GALNT6: variants seen among roughly 807,000 people sequenced by gnomAD.
The protein encoded by GALNT6 is polypeptide N-acetylgalactosaminyltransferase 6, also known as GalNAc transferase 6.
GALNT6 carries 51 observed loss-of-function variants against 65.9 expected under a neutral mutation model. The observed-to-expected ratio is 0.77, with a 90% CI of 0.62 to 0.98. The LOEUF is 0.98. Among genes scored for constraint, GALNT6 ranks in the 50% least tolerant of loss-of-function variants. The pLI is 0.00. For missense variants in GALNT6, 708 were observed against 803.3 expected (o/e 0.88, Z 1.43); for synonymous variants, 323 against 315.1 (o/e 1.02, Z -0.26).
chr12:51,357,260 C>T, intron 10 of GALNT6, 89 bp downstream of exon 10: 1 of 819,008 alleles, frequency 1.2e-6, no homozygotes, highest in Non-Finnish European at 2.1e-6. Context: ...GTATCTCCTC[C>T]CTCCCAGTCC....
intron 2 of GALNT6, among the ~76,000 whole-genome samples, chr12:51,389,031 C>A (rs1041110339): frequency 6.6e-6 from 1 of 152,210 alleles, no homozygotes; most frequent in Admixed American, 6.5e-5. Flanking sequence ...ACCACACAGG[C>A]CTTTTACACA....
Position 51,378,164 on chromosome 12 carries a change from G to GT in GALNT6, c.492-798dup, listed in dbSNP as rs537639636. Among the ~76,000 whole-genome samples, 351 of 151,912 alleles carry GT rather than the reference G, an allele frequency of 2.3e-3. 1 individual carries two copies. The highest frequency in any genetic ancestry group is 7.9e-3 in the African/African-American group (326 of 41,428). ...ACACCCAGTGCTCTTCTCTCTGTCTGTTTTTTTTGAGACAGAGTCTTGCTC... is the reference window on the plus strand; with the variant it reads ...ACACCCAGTGCTCTTCTCTCTGTCTGTTTTTTTTTGAGACAGAGTCTTGCTC... On this transcript the variant is annotated intron_variant, in intron 3 of 11. Coordinates refer to ENST00000356317, the MANE Select transcript of GALNT6 (RefSeq NM_007210.4).
chr12:51,365,410 G>C lies in GALNT6; in HGVS notation c.814+20C>G, dbSNP rs1382989594. 5 of 1,600,204 alleles carry C rather than the reference G, an allele frequency of 3.1e-6. No homozygotes were observed. In the African/African-American group the frequency reaches 4.0e-5, roughly 13 times the overall value. Reference sequence around the variant, plus strand: ...GAGGGAGCCTCCAGGTTACACCCAGGCCGGTGCCCTGGTACTCACAGTGGG... The same window carrying C: ...GAGGGAGCCTCCAGGTTACACCCAGCCCGGTGCCCTGGTACTCACAGTGGG... On this transcript the variant is annotated intron_variant, in intron 5 of 11. Coordinates refer to ENST00000356317, the MANE Select transcript of GALNT6 (RefSeq NM_007210.4).
intron 4 of GALNT6, among the ~76,000 whole-genome samples, chr12:51,376,956 G>A (rs543063592): frequency 5.3e-5 from 8 of 152,332 alleles, no homozygotes; most frequent in East Asian, 1.9e-4. Flanking sequence ...CCTTGGCAGC[G>A]TTCAGGGAGT....
intron 6 of GALNT6, among the ~76,000 whole-genome samples, chr12:51,362,481 G>T (rs1423224614): frequency 6.6e-6 from 1 of 152,080 alleles, no homozygotes; most frequent in African/African-American, 2.4e-5. Flanking sequence ...ATGCTACCGG[G>T]GCATGTGGGC....
intron 4 of GALNT6, among the ~76,000 whole-genome samples, chr12:51,371,237 C>G (rs902412399): frequency 1.3e-5 from 2 of 151,996 alleles, no homozygotes; most frequent in Non-Finnish European, 2.9e-5. Flanking sequence ...GTGCCCACCA[C>G]CATGCCTGGC....
chr12:51,365,639 T>TG, intron 4 of GALNT6, 60 bp from the exon 5 acceptor site: 1 of 1,552,992 alleles, frequency 6.4e-7, no homozygotes, highest in South Asian at 1.2e-5. Flanking sequence ...CAATCCCCTG[T>TG]GGGCACCAAG....
chr12:51,379,241 GC>G (rs779379044), intron 3 of GALNT6, 49 bp downstream of exon 3: 1 of 1,506,790 alleles, frequency 6.6e-7, no homozygotes, highest in Non-Finnish European at 8.9e-7. Flanking sequence ...TACTAGCCAT[GC>G]CTTTAGCAAA....
At chr12:51,386,587 A>G (rs1398393637) in intron 2 of GALNT6, among the ~76,000 whole-genome samples, 1 of 152,210 alleles carries the variant, frequency 6.6e-6, no homozygotes, top group Non-Finnish European at 1.5e-5. Context: ...GCAGGAAGCA[A>G]GCAGTCCTTA....
At chr12:51,376,633 CAAAAA>C (rs35109462) in intron 4 of GALNT6, among the ~76,000 whole-genome samples, 2 of 83,976 alleles carry the variant, frequency 2.4e-5, no homozygotes, top group Non-Finnish European at 2.4e-5. Context: ...AACTCCATCT[CAAAAA>C]AAAAAAAAAA....
In GALNT6 at chr12:51,360,756, T is replaced by C. The variant is rs1946897239; in HGVS notation, c.1132A>G (p.Ile378Val). 5 of 1,612,750 alleles carry C rather than the reference T, an allele frequency of 3.1e-6. No homozygotes were observed. Among genetic ancestry groups the C allele is most frequent in the Non-Finnish European group, 4.2e-6 (5 of 1,178,856 alleles). The change falls in exon 7 of 12, where the codon ATC becomes GTC. Residue 378 changes from isoleucine (I) to valine (V), a missense_variant. By Grantham distance (29) the Ile-to-Val change is conservative (BLOSUM62 3). Coordinates refer to ENST00000356317, the MANE Select transcript of GALNT6 (RefSeq NM_007210.4). ...ATTTCCACGTTCTCCCCTCCCCAGA[T>C]CTCCATCTGATTATCATAGGTACCG... is the stretch of plus-strand genomic sequence containing the variant. The part of the protein sequence containing the change: ...HIGTYDNQME[I>V]WGGENVEMSF...
In GALNT6 at chr12:51,358,280, C is replaced by T; in HGVS notation, c.1369-19G>A. The T allele has an allele frequency of 1.2e-6, 2 of 1,611,050 alleles. No individual in the cohort carries two copies. The highest frequency in any genetic ancestry group is 1.7e-6 in the Non-Finnish European group (2 of 1,178,322). On this transcript the variant is annotated intron_variant, in intron 8 of 11. Transcript: ENST00000356317. Reference sequence around the variant, plus strand: ...AGGATTTCTGTCAATCAAGCCAGCCCCCTAAGGATCAGTTCCACCAGTTTT... The same window carrying T: ...AGGATTTCTGTCAATCAAGCCAGCCTCCTAAGGATCAGTTCCACCAGTTTT...
At position 51,359,109 on chromosome 12, in the gene GALNT6, CTCCGAGAACCA is replaced by C; in HGVS notation, c.1368+12_1368+22del. ...GCCGTACTTCTCTTCATCTAAACCT[CTCCGAGAACCA>C]TTTCCTCTCACCTCTTGGGCCATCT... is the stretch of plus-strand genomic sequence containing the variant. On this transcript the variant is annotated intron_variant, in intron 8 of 11. Transcript: ENST00000356317. 1 of 1,593,876 alleles carries C rather than the reference CTCCGAGAACCA, an allele frequency of 6.3e-7. No individual in the cohort carries two copies. The highest frequency in any genetic ancestry group is 8.6e-7 in the Non-Finnish European group (1 of 1,161,700).
chr12:51,355,311 T>C (rs1462678017), intron 11 of GALNT6, among the ~76,000 whole-genome samples: 2 of 152,142 alleles, frequency 1.3e-5, no homozygotes, highest in Admixed American at 1.3e-4. Context: ...ACCCCATTTT[T>C]ACATCAGTCA....
Position 51,379,582 on chromosome 12 carries a change from G to T in GALNT6, c.200C>A (p.Ser67Ter). ...AGCCCTGATTTGGAGCTTGGGCATT[G>T]AATCTCTAAGGTTGTTCATGGCCTC... ...MLEAMNNLRDSMPKLQIRAPE... is the reference protein window; with the variant it reads ...MLEAMNNLRD Residue 67 changes from serine (S) to a stop codon, truncating the protein, a stop_gained, in exon 3 of 12, where the codon TCA (serine) becomes TAA (stop). Coordinates refer to ENST00000356317, the MANE Select transcript of GALNT6 (RefSeq NM_007210.4). LOFTEE classifies it high-confidence loss of function. The T allele has an allele frequency of 1.2e-6, 2 of 1,614,080 alleles. No homozygotes were observed. Among genetic ancestry groups the T allele is most frequent in the Middle Eastern group, 1.6e-4 (1 of 6,062 alleles).
intron 9 of GALNT6, 69 bp from the exon 10 acceptor site, chr12:51,357,519 G>A (rs774333219): frequency 3.7e-5 from 40 of 1,084,766 alleles, no homozygotes; most frequent in Non-Finnish European, 5.1e-5. Flanking sequence ...TGTGGTATGG[G>A]GCCCCACTGG....
intron 4 of GALNT6, among the ~76,000 whole-genome samples, chr12:51,369,945 T>C (rs1408235284): frequency 6.6e-6 from 1 of 152,082 alleles, no homozygotes; most frequent in South Asian, 2.1e-4. Context: ...AAATCATAAA[T>C]CAGATCATGT....
chr12:51,389,969 CCT>C (rs890997450), intron 2 of GALNT6, among the ~76,000 whole-genome samples: 2 of 152,072 alleles, frequency 1.3e-5, no homozygotes, highest in Non-Finnish European at 2.9e-5. Context: ...TGCACACTTC[CCT>C]CTTTCTTTTG....
chr12:51,377,180 C>G lies in GALNT6; in HGVS notation c.664+15G>C. 1.2e-6 allele frequency: 2 copies of G among 1,612,292 alleles called. No individual in the cohort carries two copies. Among genetic ancestry groups the G allele is most frequent in the Non-Finnish European group, 1.7e-6 (2 of 1,179,306 alleles). ...GGAGACCCCGGCCCCCTCCTCTGGG[C>G]CCCTCCAGCCTCACCCTCTGTGCTG... On this transcript the variant is annotated intron_variant, in intron 4 of 11. Transcript: ENST00000356317.
Sources: allele counts gnomAD v4.1 joint callset (sites outside exome capture counted in the v4.1 genomes callset), GRCh38; gene constraint gnomAD v4.1.1; transcripts MANE v1.5; gene names NCBI Gene and HGNC (gene_info 2026-07-23, HGNC 2026-07-21).